DPH5: variants seen among roughly 807,000 people sequenced by gnomAD.
DPH5 encodes diphthamide biosynthesis 5.
DPH5 carries 31 observed loss-of-function variants against 31.6 expected under a neutral mutation model. The ratio of observed to expected loss-of-function variants is 0.98; its 90% confidence interval spans 0.74 to 1.32. The LOEUF is 1.32. Among genes scored for constraint, DPH5 ranks in the 40% most tolerant of loss-of-function variants. The pLI is 0.00. For missense variants in DPH5, 309 were observed against 335.7 expected, an observed-to-expected ratio of 0.92 and a Z score of 0.62; for synonymous variants, 120 against 115.0, an observed-to-expected ratio of 1.04 and a Z score of -0.28.
intron 4 of DPH5, among the ~76,000 whole-genome samples, chr1:101,008,690 C>T (rs1430065601): frequency 2.0e-5 from 3 of 152,182 alleles, no homozygotes; most frequent in Non-Finnish European, 4.4e-5. Flanking sequence ...CTTACAGATT[C>T]CCTAAAGTGC....
chr1:101,001,209 C>T, intron 5 of DPH5, among the ~76,000 whole-genome samples: 1 of 152,156 alleles, frequency 6.6e-6, no homozygotes, highest in Admixed American at 6.5e-5. Context: ...ATATGGAATA[C>T]TGGAGAGGAT....
At chr1:101,020,143 G>T (rs1660344218) in intron 3 of DPH5, among the ~76,000 whole-genome samples, 1 of 152,126 alleles carries the variant, frequency 6.6e-6, no homozygotes, top group African/African-American at 2.4e-5. Context: ...CTTTCTCTGT[G>T]CCTCAGTTTT....
chr1:101,001,947 G>A (rs1432360312), intron 4 of DPH5, among the ~76,000 whole-genome samples: 1 of 152,110 alleles, frequency 6.6e-6, no homozygotes, highest in Non-Finnish European at 1.5e-5. Context: ...GGTTCACAAG[G>A]TTAATATTGT....
rs565070551 is a variant in DPH5, at chr1:100,999,588, C to G, written c.490+1879G>C. The stretch of plus-strand genomic sequence containing the variant: ...AGGTGCAGTAGCTCATACCTGTAAT[C>G]CCAGCACTTTGGGGGGCAGAGGCGG... On this transcript the variant is annotated intron_variant, in intron 5 of 7. Coordinates refer to ENST00000370109, the MANE Select transcript of DPH5 (RefSeq NM_015958.3). Among the ~76,000 whole-genome samples, 20 of 152,220 alleles carry G rather than the reference C, an allele frequency of 1.3e-4. No homozygotes were observed. In the East Asian group the frequency reaches 3.7e-3, roughly 28 times the overall value.
intron 4 of DPH5, among the ~76,000 whole-genome samples, chr1:101,008,809 G>A (rs1330599371): frequency 6.6e-6 from 1 of 152,066 alleles, no homozygotes; most frequent in Non-Finnish European, 1.5e-5. Flanking sequence ...CCACTTTACT[G>A]CATTATCATC....
intron 4 of DPH5, among the ~76,000 whole-genome samples, chr1:101,002,479 A>G (rs1287854980): frequency 6.6e-6 from 1 of 152,212 alleles, no homozygotes; most frequent in East Asian, 1.9e-4. Flanking sequence ...AAGTTATTCA[A>G]ACTGTGAAAC....
chr1:100,992,140 A>G (rs1657807796), intron 7 of DPH5, among the ~76,000 whole-genome samples: 2 of 152,040 alleles, frequency 1.3e-5, no homozygotes, highest in Admixed American at 6.6e-5. Context: ...TATTGACAAT[A>G]AACATTTCTA....
intron 5 of DPH5, among the ~76,000 whole-genome samples, chr1:100,996,840 C>T (rs1330024044): frequency 6.6e-6 from 1 of 152,160 alleles, no homozygotes; most frequent in Non-Finnish European, 1.5e-5. Context: ...TGTTTTCCTG[C>T]CATGGTTTAT....
chr1:101,009,870 G>A (rs532028890), intron 4 of DPH5, among the ~76,000 whole-genome samples: 1 of 152,216 alleles, frequency 6.6e-6, no homozygotes, highest in East Asian at 1.9e-4. Flanking sequence ...GCCCTTCCTT[G>A]GTTCCTTTAA....
At chr1:101,013,685 T>C in intron 4 of DPH5, 25 bp downstream of exon 4, 1 of 1,454,166 alleles carries the variant, frequency 6.9e-7, no homozygotes, top group South Asian at 1.2e-5. Context: ...TTAATTCCAC[T>C]GAAAAACCTC....
chr1:101,025,538 G>A, intron 1 of DPH5, 72 bp from the exon 2 acceptor site: 1 of 1,468,940 alleles, frequency 6.8e-7, no homozygotes, highest in South Asian at 1.2e-5. Context: ...TGAACACGAT[G>A]ACAACCAAAG....
At chr1:100,995,280 C>T in intron 5 of DPH5, 131 bp from the exon 6 acceptor site, 1 of 553,218 alleles carries the variant, frequency 1.8e-6, no homozygotes, top group East Asian at 3.1e-5. Flanking sequence ...TAGCCACTTT[C>T]TTACAGTAAC....
chr1:100,995,476 A>G (rs1291816503), intron 5 of DPH5: 1 of 215,388 alleles, frequency 4.6e-6, no homozygotes, highest in East Asian at 1.0e-4. Context: ...TCTACCAGCT[A>G]GTAACTGCAC....
chr1:100,994,936 A>G (rs1358384922), intron 6 of DPH5, among the ~76,000 whole-genome samples, 174 bp downstream of exon 6: 1 of 152,210 alleles, frequency 6.6e-6, no homozygotes, highest in Non-Finnish European at 1.5e-5. Context: ...ATATATTGCT[A>G]TTTCTACTCT....
chr1:100,998,279 G>A (rs970669809), intron 5 of DPH5, among the ~76,000 whole-genome samples: 1 of 152,158 alleles, frequency 6.6e-6, no homozygotes, highest in Non-Finnish European at 1.5e-5. Context: ...GGGAGGTTGA[G>A]ACGGGCAGAT....
chr1:101,009,425 G>A (rs1211362847), intron 4 of DPH5, among the ~76,000 whole-genome samples: 1 of 152,160 alleles, frequency 6.6e-6, no homozygotes, highest in Non-Finnish European at 1.5e-5. Flanking sequence ...TGGTGGAAAA[G>A]GACCCATTAG....
intron 3 of DPH5, among the ~76,000 whole-genome samples, chr1:101,018,815 G>T (rs1259713327): frequency 6.6e-6 from 1 of 152,144 alleles, no homozygotes; most frequent in Non-Finnish European, 1.5e-5. Context: ...ATAAAGAAGT[G>T]GGAGGCAGGA....
intron 5 of DPH5, among the ~76,000 whole-genome samples, chr1:100,999,380 G>A (rs554414019): frequency 1.3e-5 from 2 of 152,314 alleles, no homozygotes; most frequent in East Asian, 1.9e-4. Flanking sequence ...GGCATGGGAG[G>A]TTGAGACTGC....
Position 100,990,423 on chromosome 1 carries a change from G to A in DPH5, c.843C>T (p.Ser281=). Residue 281 remains serine (S), a synonymous_variant, in exon 8 of 8, where the codon AGC becomes AGT. Coordinates refer to ENST00000370109, the MANE Select transcript of DPH5 (RefSeq NM_015958.3). ...SIPENSSESQ[S]INGL is the part of the protein sequence containing the mutation. ...ATATCTATGTTCAAAGTCCATTGAT[G>A]CTTTGAGATTCTGAGCTATTTTCTG... The A allele has an allele frequency of 6.2e-7, 1 of 1,613,596 alleles. No homozygotes were observed. The highest frequency in any genetic ancestry group is 8.5e-7 in the Non-Finnish European group (1 of 1,179,564).
Sources: allele counts gnomAD v4.1 joint callset (sites outside exome capture counted in the v4.1 genomes callset), GRCh38; gene constraint gnomAD v4.1.1; transcripts MANE v1.5; gene names NCBI Gene and HGNC (gene_info 2026-07-23, HGNC 2026-07-21).